Variants in PSMD14 observed in about 807,000 individuals in gnomAD.
PSMD14 encodes the protein ubiquitin C-terminal hydrolase PSMD14.
PSMD14 carries 7 observed loss-of-function variants against 41.2 expected under a neutral mutation model. The ratio of observed to expected loss-of-function variants is 0.17; its 90% CI spans 0.10 to 0.32. PSMD14 has a LOEUF of 0.32. PSMD14 is among the 10% of genes least tolerant of loss of function. The probability of loss-of-function intolerance (pLI) is 1.00; values close to 1 mark genes in which losing one functional copy is unlikely to be tolerated. For synonymous variants in PSMD14, 114 were observed against 122.3 expected (o/e 0.93, Z 0.45); for missense variants, 139 against 375.6 (o/e 0.37, Z 5.21).
intron 3 of PSMD14, among the ~76,000 whole-genome samples, chr2:161,351,298 G>A (rs1219251496): frequency 6.6e-6 from 1 of 152,206 alleles, no homozygotes; most frequent in African/African-American, 2.4e-5. Context: ...TACTAGGGCA[G>A]AAAGAAGGTT....
chr2:161,388,091 C>T (rs1683657118), intron 8 of PSMD14, among the ~76,000 whole-genome samples: 2 of 151,984 alleles, frequency 1.3e-5, no homozygotes, highest in African/African-American at 2.4e-5. Flanking sequence ...ATAAACTGTT[C>T]AGTGACATTT....
chr2:161,339,613 G>GGTC (rs1682920762), intron 3 of PSMD14, among the ~76,000 whole-genome samples: 1 of 152,092 alleles, frequency 6.6e-6, no homozygotes, highest in Non-Finnish European at 1.5e-5. Context: ...TATAAGCCAG[G>GGTC]GTCGGAAACT....
At chr2:161,386,874 T>G (rs1422418781) in intron 8 of PSMD14, among the ~76,000 whole-genome samples, 1 of 152,004 alleles carries the variant, frequency 6.6e-6, no homozygotes, top group Non-Finnish European at 1.5e-5. Flanking sequence ...TTTTTTAAAA[T>G]TAAAGCACTG....
chr2:161,341,032 C>T, intron 3 of PSMD14: 3 of 1,606,516 alleles, frequency 1.9e-6, no homozygotes, highest in Middle Eastern at 2.2e-4. Context: ...GGCGCCGCCG[C>T]GGGATCCCCT....
At chr2:161,357,490 TACTTAAGTGATTTCA>T (rs1230601016) in intron 3 of PSMD14, among the ~76,000 whole-genome samples, 1 of 152,192 alleles carries the variant, frequency 6.6e-6, no homozygotes, top group Admixed American at 6.5e-5. Flanking sequence ...GAGTCAGAAT[TACTTAAGTGATTTCA>T]AAGTCGCTTG....
intron 11 of PSMD14, 106 bp from the exon 12 acceptor site, chr2:161,411,195 AG>A: frequency 1.7e-6 from 1 of 571,802 alleles, no homozygotes. Context: ...TATTTAAGTA[AG>A]GTCTGGCTTT....
intron 9 of PSMD14, among the ~76,000 whole-genome samples, chr2:161,394,137 A>C (rs527389655): frequency 6.6e-6 from 1 of 151,738 alleles, no homozygotes; most frequent in East Asian, 1.9e-4. Flanking sequence ...ACACCCAGCT[A>C]ATTTTTGTGT....
intron 8 of PSMD14, among the ~76,000 whole-genome samples, chr2:161,386,188 C>T (rs1683633370): frequency 6.6e-6 from 1 of 151,658 alleles, no homozygotes; most frequent in South Asian, 2.1e-4. Flanking sequence ...ATTCACATGC[C>T]ATGGTGTTTT....
intron 3 of PSMD14, among the ~76,000 whole-genome samples, chr2:161,336,137 CTCCACCTTTTATTCATTT>C (rs1682865842): frequency 6.6e-6 from 1 of 151,804 alleles, no homozygotes; most frequent in Admixed American, 6.6e-5. Context: ...TTCATTTGGT[CTCCACCTTTTATTCATTT>C]GGTCTCCACC....
At chr2:161,340,813 G>A (rs1682942422) in intron 3 of PSMD14, 2 of 1,613,720 alleles carry the variant, frequency 1.2e-6, no homozygotes, top group Admixed American at 1.7e-5. Context: ...GGATAACTTC[G>A]TTATTCTTCA....
chr2:161,326,327 AG>A (rs1682699382), intron 3 of PSMD14, among the ~76,000 whole-genome samples: 1 of 152,152 alleles, frequency 6.6e-6, no homozygotes, highest in African/African-American at 2.4e-5. Context: ...CACCATGCCC[AG>A]TCCAAACTTC....
At position 161,331,166 on chromosome 2, in the gene PSMD14, A is replaced by G. The variant is rs181729249; in HGVS notation, c.48+12293A>G. Among the ~76,000 whole-genome samples the G allele has an allele frequency of 4.2e-3, 640 of 151,554 alleles. 5 individuals carry two copies. Among genetic ancestry groups the G allele is most frequent in the Non-Finnish European group, 4.6e-3 (309 of 67,884 alleles). On this transcript the variant is annotated intron_variant, in intron 3 of 11. Coordinates refer to ENST00000409682, the MANE Select transcript of PSMD14 (RefSeq NM_005805.6). ...TTTGCTTTAATTTGTACCTGGTTTC[A>G]CGGTTTCTGGTTATTTCTCTCCCAT...
At chr2:161,367,034 T>G (rs1244652121) in intron 3 of PSMD14, among the ~76,000 whole-genome samples, 1 of 152,218 alleles carries the variant, frequency 6.6e-6, no homozygotes, top group Non-Finnish European at 1.5e-5. Context: ...ATTAGAAGTC[T>G]TCTTTCCCCT....
At chr2:161,375,746 T>G (rs147304927) in intron 7 of PSMD14, among the ~76,000 whole-genome samples, 1 of 151,898 alleles carries the variant, frequency 6.6e-6, no homozygotes, top group Non-Finnish European at 1.5e-5. Flanking sequence ...AGTTAGGGAA[T>G]GTGGCCAGGT....
intron 8 of PSMD14, among the ~76,000 whole-genome samples, chr2:161,389,235 A>G (rs1037420780): frequency 6.6e-6 from 1 of 152,166 alleles, no homozygotes; most frequent in Non-Finnish European, 1.5e-5. Context: ...TAGCTTTATG[A>G]CCACCATGTA....
chr2:161,369,487 CA>C (rs1683404075), intron 5 of PSMD14, among the ~76,000 whole-genome samples: 1 of 151,960 alleles, frequency 6.6e-6, no homozygotes, highest in Admixed American at 6.6e-5. Context: ...ATTCAATATG[CA>C]TACTGTTTGT....
chr2:161,334,266 G>GT (rs1360903935), intron 3 of PSMD14, among the ~76,000 whole-genome samples: 1 of 152,200 alleles, frequency 6.6e-6, no homozygotes, highest in African/African-American at 2.4e-5. Context: ...AACCCAGGAG[G>GT]TGGAGGTTGT....
At chr2:161,354,481 C>T (rs947791781) in intron 3 of PSMD14, among the ~76,000 whole-genome samples, 3 of 127,482 alleles carry the variant, frequency 2.4e-5, no homozygotes, top group Non-Finnish European at 4.9e-5. Context: ...TTTTTTATAA[C>T]AAAGGTAGTC....
chr2:161,390,696 A>G (rs553293302), intron 8 of PSMD14, among the ~76,000 whole-genome samples: 1 of 152,300 alleles, frequency 6.6e-6, no homozygotes, highest in African/African-American at 2.4e-5. Context: ...TTCCAGATTA[A>G]TGTGGGTAAA....
Sources: allele counts gnomAD v4.1 joint callset (sites outside exome capture counted in the v4.1 genomes callset), GRCh38; gene constraint gnomAD v4.1.1; transcripts MANE v1.5; gene names NCBI Gene and HGNC (gene_info 2026-07-23, HGNC 2026-07-21).